Variants in DCAF8L2 observed in about 807,000 individuals in gnomAD.
The protein encoded by DCAF8L2 is DDB1 and CUL4 associated factor 8 like 2.
For missense variants in DCAF8L2, 430 were observed against 490.7 expected (o/e 0.88, Z 1.17); for synonymous variants, 200 against 190.9 (o/e 1.05, Z -0.39).
chrX:27,469,192 G>C, the DCAF8L2 span, among the ~76,000 whole-genome samples: 2 of 112,128 alleles, frequency 1.8e-5, no homozygotes, highest in Non-Finnish European at 3.8e-5. Flanking sequence ...CTGACTTTCA[G>C]TGCCATGTTC....
intron 3 of DCAF8L2, among the ~76,000 whole-genome samples, chrX:27,692,423 G>T (rs1170167041): frequency 8.9e-6 from 1 of 111,801 alleles, no homozygotes; most frequent in East Asian, 2.8e-4. Context: ...TTTTGTAAAA[G>T]AATTTAATGT....
At chrX:27,725,698 AAGT>A (rs1326369066) in intron 4 of DCAF8L2, among the ~76,000 whole-genome samples, 1 of 105,151 alleles carries the variant, frequency 9.5e-6, no homozygotes, top group South Asian at 3.9e-4. Flanking sequence ...ATAGTGTTAC[AAGT>A]AGAATAATAT....
intron 2 of DCAF8L2, among the ~76,000 whole-genome samples, chrX:27,658,402 G>A (rs1487350102): frequency 8.9e-6 from 1 of 112,080 alleles, no homozygotes; most frequent in Non-Finnish European, 1.9e-5. Context: ...GGTAAGATTA[G>A]TAGCCATAGA....
chrX:27,701,276 A>T (rs2147267876), intron 3 of DCAF8L2, among the ~76,000 whole-genome samples: 1 of 111,663 alleles, frequency 9.0e-6, no homozygotes, highest in Non-Finnish European at 1.9e-5. Context: ...CCAGTGCTAC[A>T]AATTTTAGAG....
chrX:27,617,151 T>A (rs950561262), intron 1 of DCAF8L2, among the ~76,000 whole-genome samples: 11 of 111,616 alleles, frequency 9.9e-5, no homozygotes, highest in Admixed American at 1.9e-4. Context: ...TGGGGCTTCA[T>A]GAACTCCTCA....
At chrX:27,498,289 A>G in the DCAF8L2 span, among the ~76,000 whole-genome samples, 2 of 112,142 alleles carry the variant, frequency 1.8e-5, no homozygotes, top group Non-Finnish European at 3.8e-5. Flanking sequence ...TTAAAATTCC[A>G]TCAACAGTGC....
At chrX:27,587,985 A>AAAAAAATATATATATATATATATAT, upstream of DCAF8L2, among the ~76,000 whole-genome samples, 3 of 22,358 alleles carry the variant, frequency 1.3e-4, no homozygotes, top group Admixed American at 6.3e-4. Context: ...TAAAAAAAAA[A>AAAAAAATATATATATATATATATAT]ATATATATAT....
chrX:27,548,816 T>C, the DCAF8L2 span, among the ~76,000 whole-genome samples: 1 of 112,030 alleles, frequency 8.9e-6, no homozygotes, highest in Non-Finnish European at 1.9e-5. Context: ...GGGAGTCTAG[T>C]TAATGAATAA....
intron 1 of DCAF8L2, among the ~76,000 whole-genome samples, chrX:27,605,135 A>C (rs7062913): frequency 0.078 from 8,626 of 110,961 alleles, 652 homozygotes; most frequent in African/African-American, 0.23. Context: ...GGAAGCTGTC[A>C]TCTGGAAGTT....
chrX:27,545,684 G>T, the DCAF8L2 span, among the ~76,000 whole-genome samples: 5 of 111,589 alleles, frequency 4.5e-5, no homozygotes, highest in East Asian at 2.8e-4. Context: ...CTGCTATAAA[G>T]AAATTCCTGA....
At chrX:27,718,155 T>C (rs780136599) in intron 4 of DCAF8L2, among the ~76,000 whole-genome samples, 3 of 111,845 alleles carry the variant, frequency 2.7e-5, no homozygotes, top group Admixed American at 9.6e-5. Context: ...AAAAATTCCA[T>C]AGTGACTCTT....
chrX:27,653,779 A>C (rs1194546872), intron 2 of DCAF8L2, among the ~76,000 whole-genome samples: 1 of 109,140 alleles, frequency 9.2e-6, no homozygotes, highest in Non-Finnish European at 1.9e-5. Context: ...ATTTCCAGGA[A>C]GATTTTAATG....
chrX:27,673,932 G>C (rs936280877), intron 2 of DCAF8L2, among the ~76,000 whole-genome samples: 6 of 111,039 alleles, frequency 5.4e-5, no homozygotes, highest in Non-Finnish European at 9.4e-5. Context: ...CAGGCAGCTT[G>C]CACCTTTTAT....
intron 2 of DCAF8L2, among the ~76,000 whole-genome samples, chrX:27,656,973 TG>T (rs1929375915): frequency 1.8e-5 from 2 of 110,642 alleles, no homozygotes; most frequent in Admixed American, 1.9e-4. Context: ...TTTGAGTCAG[TG>T]GGCTGGGAAA....
In DCAF8L2 at chrX:27,748,586, G is replaced by A. The variant is rs1403423572; in HGVS notation, c.1691G>A (p.Arg564Gln). Residue 564 changes from arginine (R) to glutamine (Q), a missense_variant, in exon 5 of 5, where the codon CGA (arginine) becomes CAA (glutamine). Transcript: ENST00000451261. ...KKVIKKNKWE[R>Q]DEDSLHHGSL... ...GTGATTAAGAAGAACAAGTGGGAAC[G>A]AGATGAAGACAGCTTGCACCATGGC... 4 of 1,206,314 alleles carry A rather than the reference G, an allele frequency of 3.3e-6. No homozygotes were observed. The highest frequency in any genetic ancestry group is 4.5e-6 in the Non-Finnish European group (4 of 892,673).
the DCAF8L2 span, among the ~76,000 whole-genome samples, chrX:27,476,531 G>C: frequency 3.2e-3 from 360 of 111,154 alleles, no homozygotes; most frequent in African/African-American, 0.011. Flanking sequence ...TGGATGAGTT[G>C]AGATTGAGGT....
intron 1 of DCAF8L2, among the ~76,000 whole-genome samples, chrX:27,598,361 C>A (rs1346499357): frequency 1.8e-5 from 2 of 112,156 alleles, no homozygotes; most frequent in African/African-American, 3.2e-5. Flanking sequence ...CCCACCCAAC[C>A]CCCCCGAGGG....
chrX:27,482,109 G>T, the DCAF8L2 span, among the ~76,000 whole-genome samples: 1 of 111,140 alleles, frequency 9.0e-6, no homozygotes, highest in African/African-American at 3.3e-5. Flanking sequence ...ACATTTACTA[G>T]ATGCTTCATA....
chrX:27,745,229 A>C (rs1922103920), intron 4 of DCAF8L2, among the ~76,000 whole-genome samples: 1 of 112,538 alleles, frequency 8.9e-6, no homozygotes, highest in South Asian at 3.6e-4. Context: ...ATTGCCAAGA[A>C]TTTTTGAAGT....
Sources: allele counts gnomAD v4.1 joint callset (sites outside exome capture counted in the v4.1 genomes callset), GRCh38; gene constraint gnomAD v4.1.1; transcripts MANE v1.5; gene names NCBI Gene and HGNC (gene_info 2026-07-23, HGNC 2026-07-21).